The following TCEAL2 variants were observed in gnomAD, a reference collection of about 807,000 sequenced individuals.
TCEAL2 encodes the protein transcription elongation factor A like 2, also known as transcription elongation factor A protein-like 2.
For synonymous variants in TCEAL2, 65 were observed against 57.9 expected (o/e 1.12, Z -0.55); for missense variants, 169 against 166.6 (o/e 1.01, Z -0.08).
In TCEAL2 at chrX:102,126,436, A is replaced by C. The variant is rs12008002; in HGVS notation, c.-37A>C. 1,505 of 1,076,017 alleles carry C rather than the reference A, an allele frequency of 1.4e-3. 19 individuals carry two copies. The African/African-American group carries it at 0.021, about 15-fold the overall frequency. 88.7% of individuals were successfully genotyped at this position (1,076,017 alleles called of 1,213,427 possible). On this transcript the variant is annotated 5_prime_UTR_variant, in exon 2 of 3. Transcript: ENST00000372780. ...GAAAAGGAAGAGCAACCTGTCCAGA[A>C]TCCCCGCAGGTCCGTGAAAGCAGGG...
In TCEAL2 at chrX:102,126,369, G is replaced by T. The variant is rs1932893246; in HGVS notation, c.-100-4G>T. The T allele has an allele frequency of 2.8e-6, 3 of 1,083,310 alleles. No homozygotes were observed. The highest frequency in any genetic ancestry group is 5.2e-5 in the Admixed American group (2 of 38,239). The allele number at this position is 1,083,310 out of a possible 1,213,427, so 89.3% of individuals were successfully genotyped here. On this transcript the variant is annotated splice_region_variant and splice_polypyrimidine_tract_variant and intron_variant, in intron 1 of 2. Transcript: ENST00000372780. ...CCCTGCCCCTGTCTCCTGTCTGTCC[G>T]CAGGTCTGCGCGTCTGTTGTTCCCA...
chrX:102,126,322 G>C (rs1932892404), intron 1 of TCEAL2, 51 bp from the exon 2 acceptor site: 7 of 924,886 alleles, frequency 7.6e-6, no homozygotes, highest in Non-Finnish European at 9.0e-6. Flanking sequence ...CCGAGTCCCT[G>C]TGAGCCCGCT....
At position 102,127,087 on chromosome X, in the gene TCEAL2, G is replaced by A. The variant is rs1465230440; in HGVS notation, c.257G>A (p.Gly86Glu). 8.4e-7 allele frequency: 1 copy of A among 1,190,172 alleles called. No homozygotes were observed. The highest frequency in any genetic ancestry group is 1.8e-5 in the African/African-American group (1 of 56,369). The change falls in exon 3 of 3, where the codon GGA becomes GAA. Residue 86 changes from glycine to glutamate, a missense_variant. Physicochemically the swap from Gly to Glu is moderately conservative, Grantham distance 98. Transcript: ENST00000372780. ...SERKGKSEMQ[G>E]GSKTEGKPER... ...AGGAAGGGAAAGTCAGAGATGCAGGGAGGATCAAAGACAGAGGGAAAGCCA... is the reference window on the plus strand; with the variant it reads ...AGGAAGGGAAAGTCAGAGATGCAGGAAGGATCAAAGACAGAGGGAAAGCCA...
Position 102,126,809 on chromosome X carries a change from G to A in TCEAL2, c.-22G>A, listed in dbSNP as rs1442451900. On this transcript the variant is annotated 5_prime_UTR_variant, in exon 3 of 3. Coordinates refer to ENST00000372780, the MANE Select transcript of TCEAL2 (RefSeq NM_080390.4). The stretch of plus-strand genomic sequence containing the variant: ...CCTCCACACCCATCCCCCAGGAAAG[G>A]AAAAGGAGGGGAAATCTCGACATGG... 1 of 1,194,622 alleles carries A rather than the reference G, an allele frequency of 8.4e-7. No individual in the cohort carries two copies. Among genetic ancestry groups the A allele is most frequent in the South Asian group, 1.9e-5 (1 of 53,539 alleles).
Position 102,127,182 on chromosome X carries a change from C to A in TCEAL2, c.352C>A (p.Pro118Thr). 1 of 1,210,488 alleles carries A rather than the reference C, an allele frequency of 8.3e-7. No individual in the cohort carries two copies. Among genetic ancestry groups the A allele is most frequent in the Non-Finnish European group, 1.1e-6 (1 of 895,155 alleles). The change falls in exon 3 of 3, where the codon CCA becomes ACA. Residue 118 changes from proline to threonine, a missense_variant. By Grantham distance (38) the Pro-to-Thr change is conservative. Transcript: ENST00000372780. ...SEREPESEGE[P>T]ESETRAAGKR... Reference sequence around the variant, plus strand: ...AAGAGAGCCAGAGAGTGAGGGAGAGCCAGAAAGTGAAACAAGGGCTGCAGG... The same window carrying A: ...AAGAGAGCCAGAGAGTGAGGGAGAGACAGAAAGTGAAACAAGGGCTGCAGG...
At position 102,126,962 on chromosome X, in the gene TCEAL2, G is replaced by A. The variant is rs1423587526; in HGVS notation, c.132G>A (p.Glu44=). 2 of 1,211,749 alleles carry A rather than the reference G, an allele frequency of 1.7e-6. No homozygotes were observed. Among genetic ancestry groups the A allele is most frequent in the Non-Finnish European group, 2.2e-6 (2 of 895,519 alleles). Residue 44 remains glutamate (E), a synonymous_variant, in exon 3 of 3, where the codon GAG becomes GAA. Coordinates refer to ENST00000372780, the MANE Select transcript of TCEAL2 (RefSeq NM_080390.4). Reference sequence around the variant, plus strand: ...TGGAAGACAAGAAGTTAGAAAACGAGGGAAACACAGAAAACACGGGCAAGA... The same window carrying A: ...TGGAAGACAAGAAGTTAGAAAACGAAGGAAACACAGAAAACACGGGCAAGA... The part of the protein sequence containing the change: ...CILEDKKLEN[E]GNTENTGKRV...
At chrX:102,126,342 GCC>G in intron 1 of TCEAL2, 29 bp from the exon 2 acceptor site, 1 of 1,000,467 alleles carries the variant, frequency 1.0e-6, no homozygotes, top group Non-Finnish European at 1.4e-6. Context: ...TAAGCGCGCA[GCC>G]CCTGCCCCTG....
chrX:102,127,632 A>G lies in TCEAL2; in HGVS notation c.*118A>G. 4.9e-6 allele frequency: 4 copies of G among 815,385 alleles called. No individual in the cohort carries two copies. In the Admixed American group the frequency reaches 1.2e-4, roughly 25 times the overall value. 67.2% of individuals were successfully genotyped at this position (815,385 alleles called of 1,213,427 possible). ...CCACCTGCCAGTGTTTGCTTGCTCT[A>G]TGTTTCAGTAGCAGATTTTCACACA... On this transcript the variant is annotated 3_prime_UTR_variant, in exon 3 of 3. Coordinates refer to ENST00000372780, the MANE Select transcript of TCEAL2 (RefSeq NM_080390.4).
At chrX:102,126,097 T>C in intron 1 of TCEAL2, 1 of 222,702 alleles carries the variant, frequency 4.5e-6, no homozygotes. Context: ...AATAACCCCT[T>C]CTCACAATCT....
rs761153272 is a variant in TCEAL2, at chrX:102,127,195, C to A, written c.365C>A (p.Thr122Lys). ...AGTGAGGGAGAGCCAGAAAGTGAAA[C>A]AAGGGCTGCAGGAAAGCGCCCAGCT... ...PESEGEPESE[T>K]RAAGKRPAED... The change falls in exon 3 of 3, where the codon ACA (threonine) becomes AAA (lysine). Residue 122 changes from threonine to lysine, a missense_variant. Coordinates refer to ENST00000372780, the MANE Select transcript of TCEAL2 (RefSeq NM_080390.4). 1.7e-6 allele frequency: 2 copies of A among 1,211,122 alleles called. No individual in the cohort carries two copies. Among genetic ancestry groups the A allele is most frequent in the Non-Finnish European group, 2.2e-6 (2 of 895,400 alleles).
intron 2 of TCEAL2, 38 bp from the exon 3 acceptor site, chrX:102,126,766 C>A: frequency 8.9e-7 from 1 of 1,118,312 alleles, no homozygotes; most frequent in South Asian, 2.1e-5. Context: ...TCCCATGTCT[C>A]CTCTTTGTCT....
intron 1 of TCEAL2, chrX:102,126,022 G>C (rs1166641543): frequency 7.7e-6 from 1 of 129,047 alleles, no homozygotes; most frequent in African/African-American, 3.2e-5. Flanking sequence ...CCATTTTAGT[G>C]CTGGAAATGG....
At chrX:102,126,518 G>A (rs2147773932) in intron 2 of TCEAL2, 73 bp downstream of exon 2, 2 of 747,088 alleles carry the variant, frequency 2.7e-6, no homozygotes, top group Non-Finnish European at 2.0e-6. Flanking sequence ...AGTCAGGGCC[G>A]AATTGGGGCC....
chrX:102,126,840 C>T lies in TCEAL2; in HGVS notation c.10C>T (p.Leu4Phe). 8.3e-7 allele frequency: 1 copy of T among 1,205,276 alleles called. No homozygotes were observed. The highest frequency in any genetic ancestry group is 1.1e-6 in the Non-Finnish European group (1 of 893,215). ...GAGGGGAAATCTCGACATGGAAAAA[C>T]TCTTCAATGAAAATGAAGGAATGCC... is the stretch of plus-strand genomic sequence containing the variant. MEK[L>F]FNENEGMPSN... The change falls in exon 3 of 3, where the codon CTC (leucine) becomes TTC (phenylalanine). Residue 4 changes from leucine to phenylalanine, a missense_variant. Coordinates refer to ENST00000372780, the MANE Select transcript of TCEAL2 (RefSeq NM_080390.4).
At chrX:102,126,739 A>AC (rs1932896457) in intron 2 of TCEAL2, 65 bp from the exon 3 acceptor site, 3 of 1,021,453 alleles carry the variant, frequency 2.9e-6, no homozygotes, top group Admixed American at 5.8e-5. Context: ...CCTGCATTCC[A>AC]CCCCATGCCC....
In TCEAL2 at chrX:102,127,327, A is replaced by C. The variant is rs761620092; in HGVS notation, c.497A>C (p.Asp166Ala). 7.4e-6 allele frequency: 9 copies of C among 1,211,510 alleles called. No homozygotes were observed. The highest frequency in any genetic ancestry group is 1.0e-5 in the Non-Finnish European group (9 of 895,448). The stretch of plus-strand genomic sequence containing the variant: ...CATGATATGAATTTCAGCAATGAGG[A>C]CATGATAAGAGAATTTGACAACATG... ...AIHDMNFSNE[D>A]MIREFDNMAR... The change falls in exon 3 of 3, where the codon GAC becomes GCC. Residue 166 changes from aspartate (D) to alanine (A), a missense_variant. Physicochemically the swap from Asp to Ala is moderately radical, Grantham distance 126. Coordinates refer to ENST00000372780, the MANE Select transcript of TCEAL2 (RefSeq NM_080390.4).
intron 2 of TCEAL2, 115 bp downstream of exon 2, chrX:102,126,560 A>T (rs765024158): frequency 1.8e-6 from 1 of 562,794 alleles, no homozygotes; most frequent in African/African-American, 2.3e-5. Flanking sequence ...ATGAACACAC[A>T]CCTTACCAGG....
At position 102,125,792 on chromosome X, in the gene TCEAL2, C is replaced by A. The variant is rs1932888032; in HGVS notation, c.-115C>A. On this transcript the variant is annotated 5_prime_UTR_variant, in exon 1 of 3. Coordinates refer to ENST00000372780, the MANE Select transcript of TCEAL2 (RefSeq NM_080390.4). ...CGAGCCGCAGGAGGCACAGGCCTGTCCTGGGTCCCCGCAGGTCAGTGTGAA... is the reference window on the plus strand; with the variant it reads ...CGAGCCGCAGGAGGCACAGGCCTGTACTGGGTCCCCGCAGGTCAGTGTGAA... 1 of 111,194 alleles carries A rather than the reference C, an allele frequency of 9.0e-6. No homozygotes were observed. The highest frequency in any genetic ancestry group is 1.9e-5 in the Non-Finnish European group (1 of 52,766). 9.2% of individuals were successfully genotyped at this position (111,194 alleles called of 1,213,427 possible).
rs1420090128 is a variant in TCEAL2, at chrX:102,126,442, G to A, written c.-31G>A. On this transcript the variant is annotated 5_prime_UTR_variant, in exon 2 of 3. Transcript: ENST00000372780. ...GAAGAGCAACCTGTCCAGAATCCCCGCAGGTCCGTGAAAGCAGGGGGCTGC... is the reference window on the plus strand; with the variant it reads ...GAAGAGCAACCTGTCCAGAATCCCCACAGGTCCGTGAAAGCAGGGGGCTGC... 7.5e-6 allele frequency: 8 copies of A among 1,067,583 alleles called. No individual in the cohort carries two copies. The highest frequency in any genetic ancestry group is 6.6e-4 in the Middle Eastern group (2 of 3,028). The allele number at this position is 1,067,583 out of a possible 1,213,427, so 88.0% of individuals were successfully genotyped here.
Sources: allele counts gnomAD v4.1 joint callset, GRCh38; gene constraint gnomAD v4.1.1; transcripts MANE v1.5; gene names NCBI Gene and HGNC (gene_info 2026-07-23, HGNC 2026-07-21).